The following SLCO1B3 variants were observed in gnomAD, a reference collection of about 807,000 sequenced individuals.
The protein encoded by SLCO1B3 is solute carrier organic anion transporter family member 1B3.
Under a neutral mutation model 71.8 loss-of-function variants are expected in SLCO1B3, and 72 were observed. The observed-to-expected ratio is 1.00, with a 90% CI of 0.83 to 1.22. The LOEUF is 1.22. SLCO1B3 is among the 50% of genes most tolerant of loss of function. The pLI is 0.00. For synonymous variants in SLCO1B3, 298 were observed against 278.4 expected (o/e 1.07, Z -0.70); for missense variants, 911 against 819.7 (o/e 1.11, Z -1.36).
intron 3 of SLCO1B3, among the ~76,000 whole-genome samples, chr12:20,842,735 T>C (rs1165159518): frequency 6.6e-6 from 1 of 152,238 alleles, no homozygotes; most frequent in African/African-American, 2.4e-5. Flanking sequence ...TGTTGCCTTT[T>C]AATGTTTTCT....
chr12:20,864,891 G>T (rs1865341723), intron 8 of SLCO1B3, among the ~76,000 whole-genome samples: 1 of 152,056 alleles, frequency 6.6e-6, no homozygotes, highest in South Asian at 2.1e-4. Flanking sequence ...AGGGTATGAT[G>T]GTTAGAATGG....
At chr12:20,889,649 T>A (rs1328490581) in intron 13 of SLCO1B3, among the ~76,000 whole-genome samples, 1 of 152,164 alleles carries the variant, frequency 6.6e-6, no homozygotes, top group East Asian at 1.9e-4. Flanking sequence ...ATTACAACTT[T>A]TTATTTCACT....
chr12:20,855,475 C>A (rs529051077), intron 4 of SLCO1B3, among the ~76,000 whole-genome samples: 2 of 152,046 alleles, frequency 1.3e-5, no homozygotes, highest in African/African-American at 4.8e-5. Flanking sequence ...TGGTCCTACA[C>A]AAACTCATGG....
intron 5 of SLCO1B3, among the ~76,000 whole-genome samples, chr12:20,860,772 G>A (rs1331231191): frequency 6.6e-6 from 1 of 152,064 alleles, no homozygotes; most frequent in Non-Finnish European, 1.5e-5. Flanking sequence ...GCACTCTTAG[G>A]ATAAAAGCAA....
At chr12:20,907,406 C>A (rs1261458323) in intron 15 of SLCO1B3, among the ~76,000 whole-genome samples, 1 of 141,078 alleles carries the variant, frequency 7.1e-6, no homozygotes, top group Non-Finnish European at 1.5e-5. Context: ...CCCCTTCCTT[C>A]TTTCCTTCCT....
At chr12:20,834,697 C>T (rs1391986181) in intron 3 of SLCO1B3, among the ~76,000 whole-genome samples, 1 of 151,934 alleles carries the variant, frequency 6.6e-6, no homozygotes, top group East Asian at 1.9e-4. Context: ...TGGGCAGCTC[C>T]ACTCCTGTGG....
At chr12:20,868,230 A>G (rs1024565175) in intron 8 of SLCO1B3, among the ~76,000 whole-genome samples, 19 of 152,206 alleles carry the variant, frequency 1.2e-4, no homozygotes, top group African/African-American at 4.6e-4. Flanking sequence ...AAAGCCCTCA[A>G]AAATCTGGGG....
chr12:20,827,171 C>A (rs946310514), intron 3 of SLCO1B3, among the ~76,000 whole-genome samples: 2 of 152,018 alleles, frequency 1.3e-5, no homozygotes, highest in African/African-American at 2.4e-5. Flanking sequence ...AGCTTTATAA[C>A]CCTCATGCCA....
At position 20,882,752 on chromosome 12, in the gene SLCO1B3, G is replaced by A. The variant is rs115824974; in HGVS notation, c.1498-666G>A. On this transcript the variant is annotated intron_variant, in intron 12 of 15. Coordinates refer to ENST00000381545, the MANE Select transcript of SLCO1B3 (RefSeq NM_019844.4). ...AGTAAATAGTCTTCAGCAGTAGTAG[G>A]TTCAAGATGAACTTAAATCTTTAGC... 3.8e-3 allele frequency among the ~76,000 whole-genome samples: 580 copies of A among 152,154 alleles called. 4 individuals carry two copies. The highest frequency in any genetic ancestry group is 0.013 in the African/African-American group (559 of 41,526).
At chr12:20,825,925 A>AT (rs1249623515) in intron 3 of SLCO1B3, among the ~76,000 whole-genome samples, 1 of 152,066 alleles carries the variant, frequency 6.6e-6, no homozygotes, top group African/African-American at 2.4e-5. Flanking sequence ...GTAAATCTCA[A>AT]TTTTTCTAAG....
chr12:20,912,301 T>TTTTATTTATTTA (rs142241896), intron 15 of SLCO1B3, among the ~76,000 whole-genome samples: 56 of 139,702 alleles, frequency 4.0e-4, no homozygotes, highest in African/African-American at 1.5e-3. Context: ...TTATTTTTAT[T>TTTTATTTATTTA]TTTATTTATT....
chr12:20,853,423 C>T (rs963215053), intron 3 of SLCO1B3, among the ~76,000 whole-genome samples: 4 of 151,924 alleles, frequency 2.6e-5, no homozygotes, highest in African/African-American at 4.8e-5. Flanking sequence ...TAGTTCTGTT[C>T]AGATTTTTAA....
intron 15 of SLCO1B3, among the ~76,000 whole-genome samples, chr12:20,905,962 A>G (rs1476666135): frequency 1.3e-5 from 2 of 152,194 alleles, no homozygotes; most frequent in East Asian, 3.9e-4. Context: ...GAAGCAAGTC[A>G]TGTCTTCTCA....
chr12:20,817,677 T>G (rs1251218524), intron 3 of SLCO1B3, among the ~76,000 whole-genome samples: 1 of 152,122 alleles, frequency 6.6e-6, no homozygotes, highest in Non-Finnish European at 1.5e-5. Flanking sequence ...AAGCTCCACC[T>G]GCTGGGTTCA....
intron 15 of SLCO1B3, among the ~76,000 whole-genome samples, chr12:20,905,469 A>G (rs535754354): frequency 6.6e-6 from 1 of 152,262 alleles, no homozygotes; most frequent in East Asian, 1.9e-4. Flanking sequence ...AGTTTCAGAT[A>G]ATCTCTTTGT....
intron 2 of SLCO1B3, among the ~76,000 whole-genome samples, chr12:20,814,981 C>CTTTTTTTTTT (rs71039997): frequency 1.1e-5 from 1 of 89,286 alleles, no homozygotes; most frequent in Non-Finnish European, 2.3e-5. Context: ...CTTTTCTTTT[C>CTTTTTTTTTT]TTTTTTTTTT....
intron 10 of SLCO1B3, among the ~76,000 whole-genome samples, chr12:20,878,517 C>G (rs1049454905): frequency 4.6e-5 from 7 of 152,074 alleles, no homozygotes; most frequent in African/African-American, 1.7e-4. Flanking sequence ...TCCCACAACT[C>G]CAGTATTGTA....
At position 20,855,124 on chromosome 12, in the gene SLCO1B3, A is replaced by T. The variant is rs190960788; in HGVS notation, c.181A>T (p.Ile61Leu). 3.1e-6 allele frequency: 5 copies of T among 1,612,170 alleles called. No individual in the cohort carries two copies. Among genetic ancestry groups the T allele is most frequent in the African/African-American group, 2.7e-5 (2 of 75,002 alleles). The change falls in exon 4 of 16, where the codon ATA (isoleucine) becomes TTA (leucine). Residue 61 changes from isoleucine (I) to leucine (L), a missense_variant. By Grantham distance (5) the Ile-to-Leu change is conservative. Transcript: ENST00000381545. ...CACTCAAATAGAAAGGAGATTTGAC[A>T]TATCCTCTTCTCTTGCTGGTTTAAT... is the stretch of plus-strand genomic sequence containing the variant. ...SITQIERRFD[I>L]SSSLAGLIDG...
At chr12:20,893,875 A>G (rs930695271) in intron 13 of SLCO1B3, among the ~76,000 whole-genome samples, 1 of 152,338 alleles carries the variant, frequency 6.6e-6, no homozygotes. Context: ...CAAACAAAAC[A>G]TCAATTGAAA....
Sources: gnomAD v4.1 joint callset for allele counts (sites outside exome capture counted in the v4.1 genomes callset) on GRCh38, gnomAD v4.1.1 for gene constraint, MANE v1.5 for transcripts, NCBI Gene and HGNC (gene_info 2026-07-23, HGNC 2026-07-21) for gene names.